GPC6: variants seen among roughly 807,000 people sequenced by gnomAD.
GPC6 encodes the protein glypican-6.
In GPC6, 14 loss-of-function variants were observed where a neutral mutation model predicts 55.2. The ratio of observed to expected loss-of-function variants is 0.25; its 90% CI spans 0.17 to 0.40. The LOEUF is 0.40. Among genes scored for constraint, GPC6 ranks in the 10% least tolerant of loss-of-function variants. The pLI is 1.00. For missense variants in GPC6, 641 were observed against 708.5 expected, an observed-to-expected ratio of 0.90 and a Z score of 1.08; for synonymous variants, 278 against 259.6, an observed-to-expected ratio of 1.07 and a Z score of -0.68.
At chr13:93,793,489 T>C (rs1886108482) in intron 2 of GPC6, among the ~76,000 whole-genome samples, 1 of 152,060 alleles carries the variant, frequency 6.6e-6, no homozygotes, top group Non-Finnish European at 1.5e-5. Context: ...TGACTTTTTT[T>C]TGGTGAATTC....
At chr13:94,288,762 AATAT>A (rs1256698850) in intron 5 of GPC6, among the ~76,000 whole-genome samples, 3 of 122,512 alleles carry the variant, frequency 2.4e-5, no homozygotes, top group South Asian at 2.4e-4. Context: ...ATATATAATA[AATAT>A]ATATATATTT....
At chr13:94,172,154 A>G (rs1888590713) in intron 4 of GPC6, among the ~76,000 whole-genome samples, 1 of 152,156 alleles carries the variant, frequency 6.6e-6, no homozygotes, top group African/African-American at 2.4e-5. Context: ...TTGTAGTGTT[A>G]TGGAATCATT....
At chr13:93,403,611 C>T (rs1475965038) in intron 1 of GPC6, among the ~76,000 whole-genome samples, 1 of 152,170 alleles carries the variant, frequency 6.6e-6, no homozygotes, top group Non-Finnish European at 1.5e-5. Flanking sequence ...TTGCAATCCA[C>T]CACTAAACAC....
intron 2 of GPC6, among the ~76,000 whole-genome samples, chr13:93,720,025 T>C (rs1883396978): frequency 6.6e-6 from 1 of 151,874 alleles, no homozygotes; most frequent in African/African-American, 2.4e-5. Flanking sequence ...GTTCATCTGA[T>C]ATATTGGCCT....
chr13:94,224,248 C>T (rs1890476580), intron 4 of GPC6, among the ~76,000 whole-genome samples: 1 of 66,928 alleles, frequency 1.5e-5, no homozygotes, highest in South Asian at 5.4e-4. Context: ...TTTTGTATAT[C>T]ATCTTTAAAT....
chr13:93,276,107 C>A (rs1363456580), intron 1 of GPC6, among the ~76,000 whole-genome samples: 1 of 152,128 alleles, frequency 6.6e-6, no homozygotes, highest in Non-Finnish European at 1.5e-5. Context: ...ATCTCCTGAC[C>A]TCGTGATCCA....
At chr13:94,024,225 A>G (rs1403395030) in intron 3 of GPC6, among the ~76,000 whole-genome samples, 2 of 152,108 alleles carry the variant, frequency 1.3e-5, no homozygotes, top group Non-Finnish European at 2.9e-5. Flanking sequence ...TTTTTATATT[A>G]CACAACAGCT....
rs34513238 is a variant in GPC6, at chr13:93,650,869, AT to A, written c.319+105458del. On this transcript the variant is annotated intron_variant, in intron 2 of 8. Transcript: ENST00000377047. ...CTGTCATCGTTTTCCTCAAAATCAC[AT>A]TTTTTTTTTAACCTGCTTCTGTGTA... Among the ~76,000 whole-genome samples, 1,407 of 150,660 alleles carry A rather than the reference AT, an allele frequency of 9.3e-3. 27 individuals carry two copies. Among genetic ancestry groups the A allele is most frequent in the East Asian group, 0.074 (377 of 5,110 alleles).
At chr13:93,275,736 C>A (rs750736492) in intron 1 of GPC6, among the ~76,000 whole-genome samples, 2 of 152,054 alleles carry the variant, frequency 1.3e-5, no homozygotes, top group Non-Finnish European at 2.9e-5. Flanking sequence ...TAGAACACAC[C>A]CTCATGTCCT....
chr13:93,914,139 A>G (rs1438839892), intron 3 of GPC6, among the ~76,000 whole-genome samples: 15 of 152,160 alleles, frequency 9.9e-5, no homozygotes, highest in Non-Finnish European at 1.5e-5. Context: ...ATATGTATAC[A>G]TGTGCCATGT....
chr13:93,917,826 C>T (rs1368682287), intron 3 of GPC6, among the ~76,000 whole-genome samples: 2 of 152,170 alleles, frequency 1.3e-5, no homozygotes, highest in Non-Finnish European at 2.9e-5. Flanking sequence ...CGGCCAGCTG[C>T]GGTGGCTCAC....
chr13:93,495,959 G>C (rs1049115040), intron 1 of GPC6, among the ~76,000 whole-genome samples: 3 of 150,242 alleles, frequency 2.0e-5, no homozygotes, highest in Admixed American at 6.6e-5. Flanking sequence ...AGTCTGCAGA[G>C]GTTACTGCTG....
At chr13:93,774,321 A>G (rs1188221169) in intron 2 of GPC6, among the ~76,000 whole-genome samples, 1 of 152,120 alleles carries the variant, frequency 6.6e-6, no homozygotes, top group Non-Finnish European at 1.5e-5. Context: ...TTTGCCTACA[A>G]TCCTGGATTA....
At chr13:93,257,066 A>G (rs1421446396) in intron 1 of GPC6, among the ~76,000 whole-genome samples, 2 of 151,972 alleles carry the variant, frequency 1.3e-5, no homozygotes, top group African/African-American at 4.8e-5. Context: ...GTGATCTGGG[A>G]GGCTGAGGTG....
chr13:94,012,210 A>G (rs1367993859), intron 3 of GPC6, among the ~76,000 whole-genome samples: 1 of 152,214 alleles, frequency 6.6e-6, no homozygotes, highest in Non-Finnish European at 1.5e-5. Context: ...CCAACTGATT[A>G]CAGCATTACC....
intron 1 of GPC6, among the ~76,000 whole-genome samples, chr13:93,231,380 CAT>C (rs1204996148): frequency 0.046 from 1,405 of 30,534 alleles, 48 homozygotes; most frequent in African/African-American, 0.13. Flanking sequence ...TATATATATA[CAT>C]ATATATATAT....
intron 4 of GPC6, among the ~76,000 whole-genome samples, chr13:94,254,171 C>A (rs1170175541): frequency 6.6e-6 from 1 of 152,076 alleles, no homozygotes; most frequent in African/African-American, 2.4e-5. Context: ...TCTTAAAGTG[C>A]CTTTGGCATG....
intron 1 of GPC6, among the ~76,000 whole-genome samples, chr13:93,282,179 TA>T (rs776329553): frequency 2.0e-5 from 3 of 152,222 alleles, no homozygotes; most frequent in Non-Finnish European, 2.9e-5. Context: ...TTGAAGTGAA[TA>T]TTTTTACATT....
At chr13:93,486,136 G>A (rs1879704858) in intron 1 of GPC6, among the ~76,000 whole-genome samples, 1 of 152,174 alleles carries the variant, frequency 6.6e-6, no homozygotes, top group Non-Finnish European at 1.5e-5. Context: ...GTAGAGACAA[G>A]TGGTAAGAAA....
Sources: allele counts gnomAD v4.1 joint callset (sites outside exome capture counted in the v4.1 genomes callset), GRCh38; gene constraint gnomAD v4.1.1; transcripts MANE v1.5; gene names NCBI Gene and HGNC (gene_info 2026-07-23, HGNC 2026-07-21).